Variants in MAGI1 observed in about 807,000 individuals in gnomAD.
The protein encoded by MAGI1 is membrane associated guanylate kinase, WW and PDZ domain containing 1, also known as membrane-associated guanylate kinase, WW and PDZ domain-containing protein 1.
Under a neutral mutation model 139.9 loss-of-function variants are expected in MAGI1, and 58 were observed. That is an observed-to-expected ratio of 0.41 (90% CI 0.34 to 0.52). The LOEUF is 0.52. MAGI1 is among the 20% of genes least tolerant of loss of function. The pLI is 0.12. For missense variants in MAGI1, 1,874 were observed against 1,901.6 expected (o/e 0.99, Z 0.27); for synonymous variants, 812 against 737.9 (o/e 1.10, Z -1.63).
chr3:65,689,120 G>C (rs953833798), intron 1 of MAGI1, among the ~76,000 whole-genome samples: 4 of 152,200 alleles, frequency 2.6e-5, no homozygotes, highest in Non-Finnish European at 5.9e-5. Flanking sequence ...GAAACACATA[G>C]TCCCTCTGAA....
At chr3:65,528,999 C>T (rs1460959092) in intron 2 of MAGI1, among the ~76,000 whole-genome samples, 1 of 152,108 alleles carries the variant, frequency 6.6e-6, no homozygotes, top group East Asian at 1.9e-4. Context: ...TGAGCTGAGA[C>T]TGCACCACTG....
At chr3:65,939,582 T>C (rs750342206) in intron 1 of MAGI1, among the ~76,000 whole-genome samples, 3 of 152,352 alleles carry the variant, frequency 2.0e-5, no homozygotes, top group East Asian at 3.9e-4. Context: ...TGTGAAATTA[T>C]GAGCCCATCT....
chr3:65,609,569 G>A (rs1352636179), intron 2 of MAGI1, among the ~76,000 whole-genome samples: 2 of 151,664 alleles, frequency 1.3e-5, no homozygotes, highest in African/African-American at 4.9e-5. Flanking sequence ...ACGAGCCACC[G>A]GGTTTTTTTT....
chr3:65,499,940 T>A (rs956973949), intron 2 of MAGI1, among the ~76,000 whole-genome samples: 3 of 152,218 alleles, frequency 2.0e-5, no homozygotes, highest in Non-Finnish European at 4.4e-5. Flanking sequence ...TGGCATTTTA[T>A]AAACTGAATG....
At chr3:65,824,678 T>G (rs1394350608) in intron 1 of MAGI1, among the ~76,000 whole-genome samples, 1 of 152,202 alleles carries the variant, frequency 6.6e-6, no homozygotes, top group East Asian at 1.9e-4. Context: ...ATTCCCTCCT[T>G]AAGTTGTCTG....
At chr3:65,561,908 C>G (rs962795952) in intron 2 of MAGI1, among the ~76,000 whole-genome samples, 1 of 152,152 alleles carries the variant, frequency 6.6e-6, no homozygotes, top group African/African-American at 2.4e-5. Context: ...GTTTCAGATA[C>G]TCTCGTTCAA....
intron 1 of MAGI1, among the ~76,000 whole-genome samples, chr3:66,021,704 T>C (rs1304660347): frequency 1.3e-5 from 2 of 152,138 alleles, no homozygotes; most frequent in Admixed American, 6.5e-5. Flanking sequence ...GTAATCCCCA[T>C]ATTTAACAAA....
chr3:65,481,624 C>G (rs1481826787), intron 3 of MAGI1, among the ~76,000 whole-genome samples: 9 of 152,084 alleles, frequency 5.9e-5, no homozygotes, highest in African/African-American at 2.2e-4. Context: ...ATGTGGAACC[C>G]CTCCCTCGTA....
intron 20 of MAGI1, among the ~76,000 whole-genome samples, chr3:65,364,451 T>C (rs940880515): frequency 3.3e-5 from 5 of 152,130 alleles, no homozygotes; most frequent in African/African-American, 4.8e-5. Flanking sequence ...TCATTTTTTT[T>C]CCCCTAGAAA....
intron 13 of MAGI1, among the ~76,000 whole-genome samples, chr3:65,400,483 C>T (rs1944774393): frequency 6.6e-6 from 1 of 152,096 alleles, no homozygotes; most frequent in African/African-American, 2.4e-5. Context: ...GTACATTTTC[C>T]CTCCCCCAAA....
intron 2 of MAGI1, among the ~76,000 whole-genome samples, chr3:65,575,778 C>A (rs1044536289): frequency 6.6e-6 from 1 of 152,084 alleles, no homozygotes; most frequent in South Asian, 2.1e-4. Flanking sequence ...TATTATGCTA[C>A]GAATGAAGTC....
At chr3:65,525,836 G>C (rs1300062612) in intron 2 of MAGI1, among the ~76,000 whole-genome samples, 1 of 152,168 alleles carries the variant, frequency 6.6e-6, no homozygotes, top group Non-Finnish European at 1.5e-5. Flanking sequence ...TATACAATTA[G>C]TAGGTATTAT....
At chr3:65,590,467 C>G (rs1353971303) in intron 2 of MAGI1, among the ~76,000 whole-genome samples, 1 of 152,202 alleles carries the variant, frequency 6.6e-6, no homozygotes, top group African/African-American at 2.4e-5. Context: ...TCTTAACTAT[C>G]TTGGTTGTGC....
intron 1 of MAGI1, among the ~76,000 whole-genome samples, chr3:66,023,363 C>A (rs182868473): frequency 1.3e-5 from 2 of 152,116 alleles, no homozygotes; most frequent in East Asian, 1.9e-4. Flanking sequence ...TAATAGAGGA[C>A]CTTTCTTGGC....
chr3:65,852,067 T>C (rs998099647), intron 1 of MAGI1, among the ~76,000 whole-genome samples: 1 of 152,174 alleles, frequency 6.6e-6, no homozygotes. Flanking sequence ...GCTCAAGGAA[T>C]TGTGGGCCCA....
chr3:65,614,496 T>C (rs1267014675), intron 2 of MAGI1, among the ~76,000 whole-genome samples: 2 of 152,170 alleles, frequency 1.3e-5, no homozygotes, highest in Non-Finnish European at 2.9e-5. Context: ...AAGGAAATAA[T>C]GTAAGTAATG....
intron 1 of MAGI1, among the ~76,000 whole-genome samples, chr3:65,891,712 C>A (rs78618323): frequency 0.027 from 2,939 of 109,024 alleles, 55 homozygotes; most frequent in Middle Eastern, 0.066. Flanking sequence ...GACTGGGATA[C>A]AAACCCCTGT....
chr3:65,632,886 G>A lies in MAGI1; in HGVS notation c.314-10798C>T, dbSNP rs2084390966. On this transcript the variant is annotated intron_variant, in intron 1 of 22. Transcript: ENST00000402939. ...TAGAGTTCAAGTAATACTTGGTGTG[G>A]AGGTGGAGGGTGTTCCTTGTCTCCC... 3.3e-5 allele frequency among the ~76,000 whole-genome samples: 5 copies of A among 152,146 alleles called. 1 individual carries two copies. The South Asian group carries it at 1.0e-3, about 32-fold the overall frequency.
chr3:65,928,814 G>A (rs185451560), intron 1 of MAGI1, among the ~76,000 whole-genome samples: 7 of 152,150 alleles, frequency 4.6e-5, no homozygotes, highest in Non-Finnish European at 8.8e-5. Flanking sequence ...ACCTTGCAGG[G>A]TGCCCATTAT....
Sources: allele counts gnomAD v4.1 joint callset (sites outside exome capture counted in the v4.1 genomes callset), GRCh38; gene constraint gnomAD v4.1.1; transcripts MANE v1.5; gene names NCBI Gene and HGNC (gene_info 2026-07-23, HGNC 2026-07-21).